TTC7A: variants seen among roughly 807,000 people sequenced by gnomAD.
TTC7A encodes tetratricopeptide repeat protein 7A.
A neutral mutation model predicts 103.7 loss-of-function variants in TTC7A; 110 were observed. That is an observed-to-expected ratio of 1.06 (90% CI 0.91 to 1.24). The LOEUF is 1.24. Ranked by LOEUF, TTC7A falls within the 50% of genes most tolerant of loss-of-function variation. The pLI, the probability that TTC7A is intolerant of heterozygous loss-of-function variation, is 0.00. For synonymous variants in TTC7A, 521 were observed against 467.9 expected (o/e 1.11, Z -1.47); for missense variants, 1,340 against 1,116.3 (o/e 1.20, Z -2.86).
At chr2:46,988,263 G>T (rs753328569) in intron 5 of TTC7A, among the ~76,000 whole-genome samples, 16 of 152,162 alleles carry the variant, frequency 1.1e-4, no homozygotes, top group Non-Finnish European at 1.6e-4. Flanking sequence ...CCACAGGAGG[G>T]AAATGTCACA....
intron 14 of TTC7A, among the ~76,000 whole-genome samples, 156 bp from the exon 15 acceptor site, chr2:47,029,068 T>G (rs1228691784): frequency 6.6e-6 from 1 of 152,162 alleles, no homozygotes; most frequent in Non-Finnish European, 1.5e-5. Flanking sequence ...CGCCAGGCCA[T>G]CTGGGGCAGG....
Position 46,950,397 on chromosome 2 carries a change from C to G in TTC7A, c.219C>G (p.Leu73=). 1 of 1,614,146 alleles carries G rather than the reference C, an allele frequency of 6.2e-7. No individual in the cohort carries two copies. Among genetic ancestry groups the G allele is most frequent in the Non-Finnish European group, 8.5e-7 (1 of 1,180,026 alleles). ...DFGKLLLAEA[L]LEQCLKENHA... is the part of the protein sequence containing the mutation. ...GGAAATTGCTGCTGGCTGAGGCCCT[C>G]CTGGAGCAGTGTTTGAAGGAGAACC... The change falls in exon 2 of 20, where the codon CTC becomes CTG. Residue 73 remains leucine, a synonymous_variant. Coordinates refer to ENST00000319190, the MANE Select transcript of TTC7A (RefSeq NM_020458.4).
intron 19 of TTC7A, among the ~76,000 whole-genome samples, chr2:47,069,381 G>T (rs1377694133): frequency 6.6e-6 from 1 of 152,150 alleles, no homozygotes; most frequent in Non-Finnish European, 1.5e-5. Context: ...ACTTGTAAAG[G>T]ACCCCAGAAG....
chr2:46,988,148 C>T (rs1243198045), intron 5 of TTC7A, among the ~76,000 whole-genome samples: 2 of 152,148 alleles, frequency 1.3e-5, no homozygotes, highest in African/African-American at 2.4e-5. Context: ...TCTCTGAATG[C>T]ACAGCCTTTG....
At chr2:46,957,570 T>G (rs1255036088) in intron 3 of TTC7A, among the ~76,000 whole-genome samples, 1 of 152,140 alleles carries the variant, frequency 6.6e-6, no homozygotes, top group Non-Finnish European at 1.5e-5. Flanking sequence ...CTGGAGGAGC[T>G]CTTAGCCTTC....
At chr2:46,963,032 T>A (rs1672525689) in intron 3 of TTC7A, among the ~76,000 whole-genome samples, 1 of 152,240 alleles carries the variant, frequency 6.6e-6, no homozygotes, top group Non-Finnish European at 1.5e-5. Context: ...CAAGGGTCTG[T>A]CGCTCAGCAG....
chr2:47,048,197 CCT>C (rs1291681624), intron 16 of TTC7A, among the ~76,000 whole-genome samples: 1 of 152,240 alleles, frequency 6.6e-6, no homozygotes, highest in East Asian at 1.9e-4. Flanking sequence ...TTCATTCAAC[CCT>C]CTCATGTGGG....
chr2:47,022,083 C>G, intron 12 of TTC7A, 104 bp downstream of exon 12: 1 of 759,170 alleles, frequency 1.3e-6, no homozygotes, highest in Non-Finnish European at 2.2e-6. Flanking sequence ...CAGGCCATGC[C>G]TCCATAGACA....
At chr2:47,062,598 G>C (rs1218359952) in intron 19 of TTC7A, among the ~76,000 whole-genome samples, 1 of 152,240 alleles carries the variant, frequency 6.6e-6, no homozygotes, top group African/African-American at 2.4e-5. Flanking sequence ...TGGGCCTGCA[G>C]CCAGGCAGAG....
At chr2:46,966,069 C>G (rs920288654) in intron 3 of TTC7A, among the ~76,000 whole-genome samples, 11 of 152,154 alleles carry the variant, frequency 7.2e-5, no homozygotes, top group Admixed American at 5.2e-4. Context: ...CCTGCCTCCG[C>G]CTCCCGAGTA....
intron 19 of TTC7A, among the ~76,000 whole-genome samples, chr2:47,061,849 C>G (rs1422867161): frequency 6.6e-6 from 1 of 152,188 alleles, no homozygotes; most frequent in African/African-American, 2.4e-5. Context: ...TGGAAGCTTG[C>G]AAGCCTGCAT....
At chr2:47,043,660 A>G (rs928485488) in intron 15 of TTC7A, among the ~76,000 whole-genome samples, 1 of 152,166 alleles carries the variant, frequency 6.6e-6, no homozygotes, top group African/African-American at 2.4e-5. Flanking sequence ...TGCCAGCCCA[A>G]GGAAATCTCA....
intron 16 of TTC7A, among the ~76,000 whole-genome samples, chr2:47,048,100 T>C (rs1314849732): frequency 2.6e-5 from 4 of 152,196 alleles, no homozygotes; most frequent in African/African-American, 9.6e-5. Context: ...AGCCCCACAC[T>C]GCTGGTCTCA....
chr2:47,008,794 T>G (rs1218253046), intron 10 of TTC7A, among the ~76,000 whole-genome samples: 1 of 152,206 alleles, frequency 6.6e-6, no homozygotes, highest in East Asian at 1.9e-4. Flanking sequence ...GTCTGGGTAG[T>G]TGAACCTGCA....
At chr2:47,051,071 T>A (rs1325614284) in intron 17 of TTC7A, among the ~76,000 whole-genome samples, 1 of 152,230 alleles carries the variant, frequency 6.6e-6, no homozygotes, top group Non-Finnish European at 1.5e-5. Context: ...GAGGGCAGTG[T>A]TCTGACTTGA....
rs149360779 is a variant in TTC7A, at chr2:46,978,782, C to T, written c.649-10C>T. The T allele has an allele frequency of 7.1e-3, 11,442 of 1,611,588 alleles. 64 individuals carry two copies. Among genetic ancestry groups the T allele is most frequent in the Middle Eastern group, 0.023 (142 of 6,058 alleles). ...TGAGACAATGGCTCTCTCTCTGTTT[C>T]CCTTCCCAGACCACAAATAACAGCA... On this transcript the variant is annotated splice_polypyrimidine_tract_variant and intron_variant, in intron 4 of 19. Coordinates refer to ENST00000319190, the MANE Select transcript of TTC7A (RefSeq NM_020458.4).
intron 19 of TTC7A, among the ~76,000 whole-genome samples, chr2:47,073,387 G>A (rs962101405): frequency 1.2e-4 from 18 of 152,174 alleles, no homozygotes; most frequent in African/African-American, 4.3e-4. Flanking sequence ...CAGAGAGCTG[G>A]GATTTGCCTA....
chr2:46,973,109 G>T (rs753635967), intron 3 of TTC7A, among the ~76,000 whole-genome samples: 30 of 152,168 alleles, frequency 2.0e-4, no homozygotes, highest in Non-Finnish European at 3.1e-4. Context: ...ACCCCGAGGG[G>T]CTCTTTGAGG....
chr2:46,994,561 G>A lies in TTC7A; in HGVS notation c.1001+47G>A, dbSNP rs372039241. 7.3e-5 allele frequency: 116 copies of A among 1,594,310 alleles called. No homozygotes were observed. The Middle Eastern group carries it at 1.0e-3, about 14-fold the overall frequency. On this transcript the variant is annotated intron_variant, in intron 7 of 19. Coordinates refer to ENST00000319190, the MANE Select transcript of TTC7A (RefSeq NM_020458.4). ...GCACCTTGCCAGTCTCACATCTCACGCAGGGTTCTGTCCCCACTGGTGGCT... is the reference window on the plus strand; with the variant it reads ...GCACCTTGCCAGTCTCACATCTCACACAGGGTTCTGTCCCCACTGGTGGCT...
Sources: gnomAD v4.1 joint callset for allele counts (sites outside exome capture counted in the v4.1 genomes callset) on GRCh38, gnomAD v4.1.1 for gene constraint, MANE v1.5 for transcripts, NCBI Gene and HGNC (gene_info 2026-07-23, HGNC 2026-07-21) for gene names.